Variants in RICTOR observed in about 807,000 individuals in gnomAD.
RICTOR encodes the protein rapamycin-insensitive companion of mTOR.
In RICTOR, 49 loss-of-function variants were observed where a neutral mutation model predicts 214.9. That is an observed-to-expected ratio of 0.23 (90% CI 0.18 to 0.29). The LOEUF is 0.29. Ranked by LOEUF, RICTOR falls within the 10% of genes least tolerant of loss-of-function variation. RICTOR has a pLI of 1.00. For missense variants in RICTOR, 1,625 were observed against 2,047.0 expected (o/e 0.79, Z 3.98); for synonymous variants, 717 against 711.3 (o/e 1.01, Z -0.13).
intron 2 of RICTOR, among the ~76,000 whole-genome samples, chr5:39,026,078 A>G (rs1316084813): frequency 6.6e-6 from 1 of 152,214 alleles, no homozygotes; most frequent in East Asian, 1.9e-4. Flanking sequence ...TTCCTTCTCT[A>G]AAACTGTCTA....
At chr5:38,988,038 A>C (rs963103645) in intron 7 of RICTOR, among the ~76,000 whole-genome samples, 2 of 152,164 alleles carry the variant, frequency 1.3e-5, no homozygotes. Context: ...CTTAATCCTG[A>C]GTCCTAATTT....
chr5:39,050,321 G>C (rs1757757180), intron 2 of RICTOR, among the ~76,000 whole-genome samples: 1 of 151,774 alleles, frequency 6.6e-6, no homozygotes, highest in African/African-American at 2.4e-5. Context: ...AGAACTTACT[G>C]CTTTGTTTTT....
At chr5:39,027,985 G>T (rs1439130264) in intron 2 of RICTOR, among the ~76,000 whole-genome samples, 1 of 151,652 alleles carries the variant, frequency 6.6e-6, no homozygotes, top group Non-Finnish European at 1.5e-5. Context: ...ACAGGTAAAA[G>T]ATTTAAATAG....
chr5:39,028,255 T>A (rs1394059211), intron 2 of RICTOR, among the ~76,000 whole-genome samples: 1 of 135,636 alleles, frequency 7.4e-6, no homozygotes, highest in Non-Finnish European at 1.5e-5. Context: ...GGATCTCGGC[T>A]CACTGCAAGC....
intron 34 of RICTOR, 38 bp downstream of exon 34, chr5:38,945,453 T>C (rs778783810): frequency 1.5e-6 from 2 of 1,375,142 alleles, no homozygotes; most frequent in South Asian, 1.2e-5. Flanking sequence ...ACTTTAGTCA[T>C]CACTAGGTTT....
At chr5:39,035,322 A>G (rs1756593783) in intron 2 of RICTOR, among the ~76,000 whole-genome samples, 1 of 152,224 alleles carries the variant, frequency 6.6e-6, no homozygotes. Context: ...ACCCATCTGT[A>G]CGTCACCATC....
intron 25 of RICTOR, among the ~76,000 whole-genome samples, chr5:38,956,428 A>T (rs887245278): frequency 7.9e-5 from 12 of 151,972 alleles, no homozygotes; most frequent in Admixed American, 7.2e-4. Flanking sequence ...TCATCTTGCC[A>T]CTCCACACTT....
At chr5:39,044,287 G>A (rs1038625035) in intron 2 of RICTOR, among the ~76,000 whole-genome samples, 14 of 151,686 alleles carry the variant, frequency 9.2e-5, no homozygotes, top group Admixed American at 8.5e-4. Context: ...AAGCAAGAAC[G>A]AAAAAAAATT....
intron 2 of RICTOR, among the ~76,000 whole-genome samples, chr5:39,049,806 GA>G (rs1430279780): frequency 6.6e-6 from 1 of 151,136 alleles, no homozygotes; most frequent in Non-Finnish European, 1.5e-5. Flanking sequence ...AATGAACGAA[GA>G]AAGACCTAGC....
chr5:39,059,453 T>C (rs1758400928), intron 2 of RICTOR, among the ~76,000 whole-genome samples: 1 of 152,152 alleles, frequency 6.6e-6, no homozygotes, highest in Non-Finnish European at 1.5e-5. Context: ...CCCCATGTGT[T>C]CAATTTGTCA....
chr5:38,998,097 T>C (rs1753310854), intron 5 of RICTOR, among the ~76,000 whole-genome samples: 1 of 151,194 alleles, frequency 6.6e-6, no homozygotes, highest in Admixed American at 6.6e-5. Flanking sequence ...TTCTGCTCAA[T>C]ATCTACACTC....
intron 5 of RICTOR, among the ~76,000 whole-genome samples, chr5:38,999,720 C>A (rs993779570): frequency 6.6e-6 from 1 of 151,922 alleles, no homozygotes; most frequent in Non-Finnish European, 1.5e-5. Flanking sequence ...AGTAATGAGA[C>A]AACAAACTCA....
chr5:38,981,782 G>T (rs778328692), intron 8 of RICTOR, 85 bp downstream of exon 8: 2 of 870,360 alleles, frequency 2.3e-6, no homozygotes, highest in Admixed American at 2.4e-5. Context: ...ATGTGGTGCT[G>T]CATCTATAAA....
At chr5:38,979,140 A>G (rs1441165546) in intron 8 of RICTOR, among the ~76,000 whole-genome samples, 1 of 152,174 alleles carries the variant, frequency 6.6e-6, no homozygotes, top group Non-Finnish European at 1.5e-5. Context: ...CCTTGCTAAA[A>G]TAACTCATTA....
intron 2 of RICTOR, among the ~76,000 whole-genome samples, chr5:39,030,589 A>T (rs899841123): frequency 1.3e-5 from 2 of 152,152 alleles, no homozygotes; most frequent in Non-Finnish European, 2.9e-5. Context: ...CAGGACAGTA[A>T]AAAAACAGGT....
At position 38,959,790 on chromosome 5, in the gene RICTOR, A is replaced by G. The variant is rs1228141700; in HGVS notation, c.2040T>C (p.Ser680=). 6.2e-7 allele frequency: 1 copy of G among 1,611,456 alleles called. No homozygotes were observed. The highest frequency in any genetic ancestry group is 1.7e-5 in the Admixed American group (1 of 60,000). ...PHGVKMLEKC[S]VFQCLLNLCS... ...CTGGGAATGCTCACCACTGAAATACACTGCATTTTTCCAGCATTTTAACTC... is the reference window on the plus strand; with the variant it reads ...CTGGGAATGCTCACCACTGAAATACGCTGCATTTTTCCAGCATTTTAACTC... The change falls in exon 21 of 38, where the codon AGT becomes AGC. Residue 680 remains serine (S), a synonymous_variant. Transcript: ENST00000357387.
At chr5:38,965,153 T>A (rs1750115096) in intron 15 of RICTOR, among the ~76,000 whole-genome samples, 1 of 151,942 alleles carries the variant, frequency 6.6e-6, no homozygotes, top group African/African-American at 2.4e-5. Flanking sequence ...AATATTATGG[T>A]TTTAAGTGGT....
Position 39,046,996 on chromosome 5 carries a change from A to T in RICTOR, c.98-25860T>A, listed in dbSNP as rs1432075873. ...TCTATGATTAAAAGCAACACACCTC[A>T]GTCTGTATGTTTTGTGGTGTGTCCA... is the stretch of plus-strand genomic sequence containing the variant. On this transcript the variant is annotated intron_variant, in intron 2 of 37. Coordinates refer to ENST00000357387, the MANE Select transcript of RICTOR (RefSeq NM_152756.5). Among the ~76,000 whole-genome samples the T allele has an allele frequency of 2.0e-5, 3 of 152,152 alleles. No homozygotes were observed. The East Asian group carries it at 5.8e-4, about 29-fold the overall frequency.
rs1491446544 is a variant in RICTOR at position 38,990,684 on chromosome 5, CAT to C, written c.583+263_583+264del. The stretch of plus-strand genomic sequence containing the variant: ...TATATCAGATATATATCAGATATAT[CAT>C]ATATATGATATATATCAGATATGAT... On this transcript the variant is annotated intron_variant, in intron 7 of 37. Transcript: ENST00000357387. 5.0e-3 allele frequency among the ~76,000 whole-genome samples: 81 copies of C among 16,236 alleles called. 4 individuals are homozygous for C. The highest frequency in any genetic ancestry group is 7.7e-3 in the Non-Finnish European group (53 of 6,910). 10.7% of individuals were successfully genotyped at this position (16,236 alleles called of 152,430 possible).
Sources: allele counts gnomAD v4.1 joint callset (sites outside exome capture counted in the v4.1 genomes callset), GRCh38; gene constraint gnomAD v4.1.1; transcripts MANE v1.5; gene names NCBI Gene and HGNC (gene_info 2026-07-23, HGNC 2026-07-21).